The following SPIDR variants were observed in gnomAD, a reference collection of about 807,000 sequenced individuals.
The protein encoded by SPIDR is scaffold protein involved in DNA repair, also known as DNA repair-scaffolding protein.
A neutral mutation model predicts 104.6 loss-of-function variants in SPIDR; 93 were observed. The ratio of observed to expected loss-of-function variants is 0.89; its 90% CI spans 0.75 to 1.06. The LOEUF (loss-of-function observed/expected upper bound fraction) is 1.06. SPIDR is among the 50% of genes least tolerant of loss of function. The pLI is 0.00. For missense variants in SPIDR, 1,154 were observed against 1,111.2 expected (o/e 1.04, Z -0.55); for synonymous variants, 431 against 416.9 (o/e 1.03, Z -0.41).
At chr8:47,262,511 G>A (rs2032744300) in intron 1 of SPIDR, among the ~76,000 whole-genome samples, 1 of 152,186 alleles carries the variant, frequency 6.6e-6, no homozygotes, top group Admixed American at 6.5e-5. Context: ...ATAAAGGGTC[G>A]TTGGAGCTGG....
intron 5 of SPIDR, among the ~76,000 whole-genome samples, chr8:47,304,011 A>G (rs2042707946): frequency 6.6e-6 from 1 of 151,970 alleles, no homozygotes; most frequent in South Asian, 2.1e-4. Context: ...TAACAGATGT[A>G]TTTGATTACT....
At chr8:47,299,571 G>C (rs1697557050) in intron 5 of SPIDR, among the ~76,000 whole-genome samples, 1 of 152,138 alleles carries the variant, frequency 6.6e-6, no homozygotes, top group Admixed American at 6.5e-5. Context: ...CATTCAGTAT[G>C]ATATTGGCTG....
intron 8 of SPIDR, among the ~76,000 whole-genome samples, chr8:47,572,510 A>C (rs2058638938): frequency 6.6e-6 from 1 of 151,868 alleles, no homozygotes; most frequent in Non-Finnish European, 1.5e-5. Context: ...AAAAATACAA[A>C]AGTTAGCTGG....
chr8:47,421,441 G>T (rs1324532260), intron 7 of SPIDR, among the ~76,000 whole-genome samples: 2 of 152,164 alleles, frequency 1.3e-5, no homozygotes, highest in African/African-American at 4.8e-5. Flanking sequence ...TCGTTCTCTT[G>T]TTGTGGTTTT....
At chr8:47,314,829 T>C (rs2044970568) in intron 5 of SPIDR, among the ~76,000 whole-genome samples, 3 of 152,150 alleles carry the variant, frequency 2.0e-5, no homozygotes, top group Admixed American at 2.0e-4. Context: ...AGATTAAGTG[T>C]TTTATTTGAA....
chr8:47,689,625 C>A (rs530158120), intron 11 of SPIDR, among the ~76,000 whole-genome samples: 2 of 152,194 alleles, frequency 1.3e-5, no homozygotes, highest in Admixed American at 1.3e-4. Flanking sequence ...GAAGCATAGC[C>A]TAGCTTCATG....
intron 8 of SPIDR, chr8:47,511,112 T>G: frequency 6.8e-7 from 1 of 1,480,946 alleles, no homozygotes; most frequent in Non-Finnish European, 9.4e-7. Flanking sequence ...AGCTCTTTGT[T>G]TGGGAAAGTA....
At chr8:47,586,804 T>G (rs1452471031) in intron 8 of SPIDR, among the ~76,000 whole-genome samples, 1 of 152,218 alleles carries the variant, frequency 6.6e-6, no homozygotes. Flanking sequence ...AGTCTCGCTC[T>G]GTCGACCAGG....
At chr8:47,554,855 G>A (rs887229126) in intron 8 of SPIDR, among the ~76,000 whole-genome samples, 1 of 152,184 alleles carries the variant, frequency 6.6e-6, no homozygotes. Context: ...GACTGGAGCT[G>A]TTCCTATTCA....
At chr8:47,482,161 T>C (rs1329145808) in intron 8 of SPIDR, among the ~76,000 whole-genome samples, 1 of 152,230 alleles carries the variant, frequency 6.6e-6, no homozygotes, top group Non-Finnish European at 1.5e-5. Flanking sequence ...ACCCTCAGTG[T>C]TTACCTCTAT....
chr8:47,419,306 G>C (rs1396721077), intron 7 of SPIDR: 1 of 152,140 alleles, frequency 6.6e-6, no homozygotes, highest in African/African-American at 2.4e-5. Flanking sequence ...GCCTGTTATT[G>C]GTCTATTCAG....
chr8:47,359,103 G>GT (rs1207941723), intron 5 of SPIDR, among the ~76,000 whole-genome samples: 17 of 150,644 alleles, frequency 1.1e-4, no homozygotes, highest in African/African-American at 2.2e-4. Context: ...AAAAAAAAAA[G>GT]TTTTTTTTTA....
intron 5 of SPIDR, among the ~76,000 whole-genome samples, chr8:47,355,646 G>A (rs1554625341): frequency 1.3e-5 from 2 of 151,988 alleles, no homozygotes; most frequent in African/African-American, 4.8e-5. Flanking sequence ...CATTCCTTTG[G>A]GACATTTTTC....
At chr8:47,305,610 T>C (rs2042964800) in intron 5 of SPIDR, among the ~76,000 whole-genome samples, 1 of 152,226 alleles carries the variant, frequency 6.6e-6, no homozygotes. Flanking sequence ...GACAAACCTT[T>C]AAAAACATTT....
At chr8:47,279,743 A>G in intron 1 of SPIDR, 119 bp from the exon 2 acceptor site, 3 of 989,786 alleles carry the variant, frequency 3.0e-6, no homozygotes, top group Non-Finnish European at 3.0e-6. Context: ...TTCAAAAACT[A>G]TACCTTTACT....
intron 6 of SPIDR, among the ~76,000 whole-genome samples, chr8:47,401,065 A>G (rs2154316387): frequency 6.6e-6 from 1 of 152,274 alleles, no homozygotes; most frequent in Non-Finnish European, 1.5e-5. Context: ...TGGAGGAAGA[A>G]ATGTTAAGGG....
chr8:47,718,949 T>C (rs1020800248), intron 16 of SPIDR, among the ~76,000 whole-genome samples: 1 of 151,754 alleles, frequency 6.6e-6, no homozygotes, highest in African/African-American at 2.4e-5. Flanking sequence ...TCCTTCTAAA[T>C]AGAGAAAAGT....
intron 8 of SPIDR, among the ~76,000 whole-genome samples, chr8:47,508,642 CACTGCATAGGTCAAGACACA>C (rs1357456116): frequency 2.0e-5 from 3 of 152,184 alleles, no homozygotes; most frequent in African/African-American, 7.2e-5. Flanking sequence ...TAACAATGCT[CACTGCATAGGTCAAGACACA>C]ACTGTGGAAA....
chr8:47,532,992 ACACTT>A (rs2086274964), intron 8 of SPIDR, among the ~76,000 whole-genome samples: 2 of 152,234 alleles, frequency 1.3e-5, no homozygotes, highest in Non-Finnish European at 2.9e-5. Context: ...GTTAAACAGT[ACACTT>A]CTAACACACA....
Sources: gnomAD v4.1 joint callset for allele counts (sites outside exome capture counted in the v4.1 genomes callset) on GRCh38, gnomAD v4.1.1 for gene constraint, MANE v1.5 for transcripts, NCBI Gene and HGNC (gene_info 2026-07-23, HGNC 2026-07-21) for gene names.